The following NCAN variants were observed in gnomAD, a reference collection of about 807,000 sequenced individuals.
NCAN encodes neurocan.
A neutral mutation model predicts 121.8 loss-of-function variants in NCAN; 47 were observed. That is an observed-to-expected ratio of 0.39 (90% CI 0.31 to 0.49). NCAN has a LOEUF of 0.49. NCAN is among the 20% of genes least tolerant of loss of function. NCAN has a pLI of 0.92. For missense variants in NCAN, 1,517 were observed against 1,773.4 expected (o/e 0.86, Z 2.60); for synonymous variants, 633 against 702.0 (o/e 0.90, Z 1.55).
chr19:19,225,355 A>G lies in NCAN; in HGVS notation c.1072+85A>G. On this transcript the variant is annotated intron_variant, in intron 6 of 14. Transcript: ENST00000252575. This position sits in a 1 kb window ranked among gnomAD's most constrained non-coding sequence, Gnocchi z 4.0. ...CCTGAAAGCCTCGCCAAGCCAAGGGAGAGACACATGGAAGCTCGCTTTGTG... is the reference window on the plus strand; with the variant it reads ...CCTGAAAGCCTCGCCAAGCCAAGGGGGAGACACATGGAAGCTCGCTTTGTG... 7.1e-7 allele frequency: 1 copy of G among 1,399,644 alleles called. No individual in the cohort carries two copies. Among genetic ancestry groups the G allele is most frequent in the African/African-American group, 1.5e-5 (1 of 65,698 alleles). 86.7% of individuals were successfully genotyped at this position (1,399,644 alleles called of 1,614,324 possible).
In NCAN at chr19:19,224,039, G is replaced by C; in HGVS notation, c.494G>C (p.Arg165Pro). ...CCCACAGGTGTTGTGTTCCACTACC[G>C]ATCAGCCCGGGACCGCTATGCACTG... ...LEVTGVVFHY[R>P]SARDRYALTF... is the part of the protein sequence containing the mutation. The change falls in exon 4 of 15, where the codon CGA becomes CCA. Residue 165 changes from arginine to proline, a missense_variant. Physicochemically the swap from Arg to Pro is moderately radical, Grantham distance 103. Coordinates refer to ENST00000252575, the MANE Select transcript of NCAN (RefSeq NM_004386.3). 6.5e-7 allele frequency: 1 copy of C among 1,533,036 alleles called. No homozygotes were observed. The highest frequency in any genetic ancestry group is 8.8e-7 in the Non-Finnish European group (1 of 1,135,206). The allele number at this position is 1,533,036 out of a possible 1,614,324, so 95.0% of individuals were successfully genotyped here.
chr19:19,224,092 C>G lies in NCAN; in HGVS notation c.547C>G (p.Arg183Gly). 3 of 1,606,408 alleles carry G rather than the reference C, an allele frequency of 1.9e-6. No homozygotes were observed. The highest frequency in any genetic ancestry group is 2.6e-6 in the Non-Finnish European group (3 of 1,174,124). Residue 183 changes from arginine (R) to glycine (G), a missense_variant, in exon 4 of 15, where the codon CGT (arginine) becomes GGT (glycine). Transcript: ENST00000252575. ...CTTCGCTGAGGCCCAGGAGGCCTGCCGTCTCAGCTCAGCCATCATTGCAGC... is the reference window on the plus strand; with the variant it reads ...CTTCGCTGAGGCCCAGGAGGCCTGCGGTCTCAGCTCAGCCATCATTGCAGC... ...LTFAEAQEACRLSSAIIAAPR... is the reference protein window; with the variant it reads ...LTFAEAQEACGLSSAIIAAPR...
intron 13 of NCAN, 37 bp downstream of exon 13, chr19:19,245,494 C>G: frequency 6.2e-7 from 1 of 1,600,678 alleles, no homozygotes; most frequent in South Asian, 1.1e-5. Context: ...CTCTCTGTCA[C>G]TTTTGCTCAC....
At chr19:19,213,899 T>A (rs750022770) in intron 1 of NCAN, among the ~76,000 whole-genome samples, 9 of 152,090 alleles carry the variant, frequency 5.9e-5, no homozygotes, top group Non-Finnish European at 2.9e-5. Context: ...ACACCCTGAC[T>A]CTCAGGTCAG....
chr19:19,233,095 G>C (rs1443848610), intron 8 of NCAN: 1 of 152,052 alleles, frequency 6.6e-6, no homozygotes, highest in East Asian at 1.9e-4. Context: ...ACCATACCCA[G>C]CTAATTTTTT....
chr19:19,233,486 A>G (rs1318529684), intron 8 of NCAN, among the ~76,000 whole-genome samples: 1 of 152,120 alleles, frequency 6.6e-6, no homozygotes. Flanking sequence ...CTGGGAGAAG[A>G]CATTCTACGA....
intron 3 of NCAN, among the ~76,000 whole-genome samples, chr19:19,223,654 G>A (rs1179029902): frequency 6.6e-6 from 1 of 151,956 alleles, no homozygotes; most frequent in East Asian, 1.9e-4. Context: ...TGTATTTTTA[G>A]TAGAGACAGG....
chr19:19,245,217 G>C (rs1356068692), intron 12 of NCAN, 96 bp from the exon 13 acceptor site: 4 of 1,455,446 alleles, frequency 2.7e-6, no homozygotes, highest in Non-Finnish European at 3.7e-6. Flanking sequence ...CTGTGAGTTT[G>C]AGGGGTCTGG....
At chr19:19,213,042 C>T (rs1049941574) in intron 1 of NCAN, among the ~76,000 whole-genome samples, 1 of 152,160 alleles carries the variant, frequency 6.6e-6, no homozygotes, top group African/African-American at 2.4e-5. Context: ...ACCCCCATCC[C>T]TACGCGTGGG....
chr19:19,235,047 C>A lies in NCAN; in HGVS notation c.3201C>A (p.Gly1067=). Residue 1067 remains glycine, a synonymous_variant, in exon 10 of 15, where the codon GGC becomes GGA. Transcript: ENST00000252575. ...GCACCTGTATTGATGAGGTCAATGG[C>A]TTTGTCTGCCTTTGCCTCCCCAGCT... ...NGGTCIDEVN[G]FVCLCLPSYG... is the part of the protein sequence containing the mutation. 6.2e-7 allele frequency: 1 copy of A among 1,612,990 alleles called. No individual in the cohort carries two copies. The highest frequency in any genetic ancestry group is 1.1e-5 in the South Asian group (1 of 90,928).
At chr19:19,221,791 G>A (rs2060817752) in intron 3 of NCAN, among the ~76,000 whole-genome samples, 1 of 152,096 alleles carries the variant, frequency 6.6e-6, no homozygotes, top group Non-Finnish European at 1.5e-5. Context: ...TCAGGAGGCT[G>A]AGGTGGGAGG....
chr19:19,232,032 G>T (rs1007446064), intron 8 of NCAN, among the ~76,000 whole-genome samples: 1 of 152,068 alleles, frequency 6.6e-6, no homozygotes, highest in African/African-American at 2.4e-5. Context: ...GACGGGCTAG[G>T]TGGGGATCAA....
chr19:19,243,122 G>C (rs1465591703), intron 12 of NCAN, among the ~76,000 whole-genome samples: 4 of 151,906 alleles, frequency 2.6e-5, no homozygotes, highest in African/African-American at 7.3e-5. Flanking sequence ...GGCAAATTTA[G>C]AGACAGGAAG....
chr19:19,224,519 T>C, intron 5 of NCAN, 86 bp downstream of exon 5: 5 of 1,521,382 alleles, frequency 3.3e-6, no homozygotes, highest in Non-Finnish European at 4.4e-6. Flanking sequence ...CCGGGGTCCT[T>C]ATGCAACTCC....
intron 13 of NCAN, among the ~76,000 whole-genome samples, chr19:19,246,393 G>A (rs186799914): frequency 5.9e-5 from 9 of 152,250 alleles, no homozygotes; most frequent in East Asian, 3.9e-4. Context: ...TTCCACCAGC[G>A]TATGAGAGTG....
At position 19,227,331 on chromosome 19, in the gene NCAN, A is replaced by G. The variant is rs561035532; in HGVS notation, c.1711A>G (p.Met571Val). The G allele has an allele frequency of 3.4e-5, 55 of 1,605,346 alleles. 1 individual carries two copies. In the South Asian group the frequency reaches 5.8e-4, roughly 17 times the overall value. Residue 571 changes from methionine to valine, a missense_variant, in exon 8 of 15, where the codon ATG (methionine) becomes GTG (valine). Transcript: ENST00000252575. This position sits in a 1 kb window ranked among gnomAD's most constrained non-coding sequence, Gnocchi z 4.2. The stretch of plus-strand genomic sequence containing the variant: ...AGAGCCCTGGCTGTGGCCCCCTACC[A>G]TGGTCCCACCCAGCATCTCAGGCCA... Reference protein sequence around the residue: ...SPEPWLWPPTMVPPSISGHSR... With the variant: ...SPEPWLWPPTVVPPSISGHSR...
intron 14 of NCAN, chr19:19,249,164 G>A (rs926887570): frequency 8.3e-6 from 3 of 359,382 alleles, no homozygotes; most frequent in Non-Finnish European, 1.5e-5. Context: ...GCAACCTCCC[G>A]GGTTCAAGCG....
rs548302207 is a variant in NCAN at position 19,218,660 on chromosome 19, C to G, written c.74-255C>G. ...GCTAATTTTGTATTTTTAGTAAAGA[C>G]AGGGTTTCTCCATGTTGGTCAGGCT... is the stretch of plus-strand genomic sequence containing the variant. On this transcript the variant is annotated intron_variant, in intron 2 of 14. Coordinates refer to ENST00000252575, the MANE Select transcript of NCAN (RefSeq NM_004386.3). 1.3e-3 allele frequency among the ~76,000 whole-genome samples: 194 copies of G among 152,082 alleles called. 1 individual carries two copies. Among genetic ancestry groups the G allele is most frequent in the Middle Eastern group, 3.4e-3 (1 of 294 alleles).
intron 8 of NCAN, among the ~76,000 whole-genome samples, chr19:19,229,546 T>G (rs1288403739): frequency 1.3e-5 from 2 of 152,176 alleles, no homozygotes; most frequent in Admixed American, 6.5e-5. Context: ...ATTCTACAGA[T>G]AGCAAACCGG....
Sources: allele counts gnomAD v4.1 joint callset (sites outside exome capture counted in the v4.1 genomes callset), GRCh38; gene constraint gnomAD v4.1.1; non-coding constraint Gnocchi (gnomAD v3.1); transcripts MANE v1.5; gene names NCBI Gene and HGNC (gene_info 2026-07-23, HGNC 2026-07-21).